The following DOC2B variants were observed in gnomAD, a reference collection of about 807,000 sequenced individuals.
DOC2B encodes double C2-like domain-containing protein beta.
A neutral mutation model predicts 28.9 loss-of-function variants in DOC2B; 21 were observed. That is an observed-to-expected ratio of 0.73 (90% CI 0.52 to 1.05). The LOEUF (loss-of-function observed/expected upper bound fraction) is 1.05. Among genes scored for constraint, DOC2B ranks in the 50% least tolerant of loss-of-function variants. DOC2B has a pLI of 0.00. For synonymous variants in DOC2B, 194 were observed against 178.1 expected, an observed-to-expected ratio of 1.09 and a Z score of -0.71; for missense variants, 384 against 421.1, an observed-to-expected ratio of 0.91 and a Z score of 0.77.
At chr17:174,965 T>G (rs2040352879) in intron 1 of DOC2B, among the ~76,000 whole-genome samples, 1 of 151,624 alleles carries the variant, frequency 6.6e-6, no homozygotes, top group Non-Finnish European at 1.5e-5. Flanking sequence ...AATGGCCGGG[T>G]GTGGTGGCTC....
rs958747226 is a variant in DOC2B at position 179,813 on chromosome 17, G to T, written c.373+1294C>A. On this transcript the variant is annotated intron_variant, in intron 1 of 8. Transcript: ENST00000613549. ...CAGGGCCTTCATGTGCCAGGCGCTG[G>T]CCCGAGGGCCGTGGTCCAGGCCTCT... Among the ~76,000 whole-genome samples, 4 of 152,386 alleles carry T rather than the reference G, an allele frequency of 2.6e-5. No homozygotes were observed. The East Asian group carries it at 7.7e-4, about 29-fold the overall frequency.
chr17:153,724 T>A (rs1198385837), intron 6 of DOC2B, among the ~76,000 whole-genome samples: 1 of 151,998 alleles, frequency 6.6e-6, no homozygotes, highest in Non-Finnish European at 1.5e-5. Context: ...TCACACCATT[T>A]TGGCTTCAGA....
intron 5 of DOC2B, among the ~76,000 whole-genome samples, chr17:158,785 C>T (rs1382933291): frequency 6.6e-6 from 1 of 152,184 alleles, no homozygotes; most frequent in East Asian, 1.9e-4. Context: ...TGACTCATGC[C>T]TGTAACCCCA....
chr17:178,464 G>A (rs933514973), intron 1 of DOC2B, among the ~76,000 whole-genome samples: 4 of 152,206 alleles, frequency 2.6e-5, no homozygotes, highest in Admixed American at 6.5e-5. Context: ...GGTGGGTGCC[G>A]GGCAGGAGAG....
Position 161,439 on chromosome 17 carries a change from G to A in DOC2B, c.741C>T (p.Ser247=). ...KLKPNHTKTF[S]ICLEKQLPVD... is the part of the protein sequence containing the mutation. The stretch of plus-strand genomic sequence containing the variant: ...CCGGCAGCTGCTTCTCCAGGCAGAT[G>A]CTGAAGGTCTTGGTGTGGTTGGGTT... Residue 247 remains serine (S), a synonymous_variant, in exon 5 of 9, where the codon AGC becomes AGT. Coordinates refer to ENST00000613549, the MANE Select transcript of DOC2B (RefSeq NM_003585.5). 6.4e-7 allele frequency: 1 copy of A among 1,551,692 alleles called. No homozygotes were observed. The highest frequency in any genetic ancestry group is 8.7e-7 in the Non-Finnish European group (1 of 1,146,984).
At chr17:169,565 A>G (rs1175702430) in intron 2 of DOC2B, among the ~76,000 whole-genome samples, 1 of 152,122 alleles carries the variant, frequency 6.6e-6, no homozygotes, top group Non-Finnish European at 1.5e-5. Context: ...AATAAAAATA[A>G]AAAGTCTCCC....
Position 159,234 on chromosome 17 carries a change from T to C in DOC2B, c.765+2181A>G, listed in dbSNP as rs1203412518. 2.6e-5 allele frequency among the ~76,000 whole-genome samples: 4 copies of C among 152,054 alleles called. No individual in the cohort carries two copies. In the East Asian group the frequency reaches 7.7e-4, roughly 29 times the overall value. ...GGCCTGGCACAGGGGCTCATGCCTG[T>C]AATCCCAGCACTTTGGGAGGCCGAG... On this transcript the variant is annotated intron_variant, in intron 5 of 8. Transcript: ENST00000613549.
intron 2 of DOC2B, among the ~76,000 whole-genome samples, chr17:169,964 A>G (rs753166420): frequency 2.0e-5 from 3 of 152,132 alleles, no homozygotes; most frequent in Non-Finnish European, 4.4e-5. Flanking sequence ...ACATGTACAC[A>G]CAGAGACACA....
chr17:159,733 C>T (rs1471730426), intron 5 of DOC2B, among the ~76,000 whole-genome samples: 4 of 152,068 alleles, frequency 2.6e-5, no homozygotes, highest in Non-Finnish European at 4.4e-5. Flanking sequence ...ACCAATGGGC[C>T]GGTAGCGCAT....
chr17:172,455 G>T (rs1333166895), intron 2 of DOC2B, 82 bp downstream of exon 2: 4 of 1,122,020 alleles, frequency 3.6e-6, no homozygotes, highest in South Asian at 1.5e-5. Context: ...AACCTGGGGA[G>T]TGGTGTGGTC....
In DOC2B at chr17:181,192, G is replaced by A. The variant is rs2040438450; in HGVS notation, c.288C>T (p.Pro96=). 2.4e-6 allele frequency: 3 copies of A among 1,240,878 alleles called. No homozygotes were observed. The highest frequency in any genetic ancestry group is 3.0e-6 in the Non-Finnish European group (3 of 992,822). 76.9% of individuals were successfully genotyped at this position (1,240,878 alleles called of 1,614,324 possible). The part of the protein sequence containing the change: ...LFGAYGSSPG[P]SPGPSPARPP... ...GCCGCGCGGGGCTGGGACCCGGGCT[G>A]GGGCCCGGGCTGGAGCCGTAGGCTC... Residue 96 remains proline, a synonymous_variant, in exon 1 of 9, where the codon CCC becomes CCT. Transcript: ENST00000613549. The surrounding 1 kb of genome is among the most constrained non-coding windows in gnomAD (Gnocchi z 7.0).
rs1555522538 is a variant in DOC2B, at chr17:156,358, T to G, written c.785A>C (p.Lys262Thr). The change falls in exon 6 of 9, where the codon AAG (lysine) becomes ACG (threonine). Residue 262 changes from lysine (K) to threonine (T), a missense_variant. Coordinates refer to ENST00000613549, the MANE Select transcript of DOC2B (RefSeq NM_003585.5). Reference sequence around the variant, plus strand: ...GATGCGGCCCCGCTCCTCCAGGGACTTGTCTTCAGTCTTGTCCACCTGTTG... The same window carrying G: ...GATGCGGCCCCGCTCCTCCAGGGACGTGTCTTCAGTCTTGTCCACCTGTTG... ...KQLPVDKTED[K>T]SLEERGRILI... The G allele has an allele frequency of 1.3e-6, 2 of 1,551,426 alleles. No individual in the cohort carries two copies. The highest frequency in any genetic ancestry group is 1.7e-4 in the Middle Eastern group (1 of 5,990).
At position 181,399 on chromosome 17, in the gene DOC2B, G is replaced by A. The variant is rs1283596524; in HGVS notation, c.81C>T (p.Ile27=). 3 of 1,171,386 alleles carry A rather than the reference G, an allele frequency of 2.6e-6. No homozygotes were observed. The highest frequency in any genetic ancestry group is 3.2e-6 in the Non-Finnish European group (3 of 942,308). 72.6% of individuals were successfully genotyped at this position (1,171,386 alleles called of 1,614,324 possible). Reference sequence around the variant, plus strand: ...AGTCGGAGATCTGCTTGATGGGACGGATGGGGCCGGGGCACACGTCGATGG... The same window carrying A: ...AGTCGGAGATCTGCTTGATGGGACGAATGGGGCCGGGGCACACGTCGATGG... ...HMAIDVCPGP[I]RPIKQISDYF... The change falls in exon 1 of 9, where the codon ATC becomes ATT. Residue 27 remains isoleucine (I), a synonymous_variant. Transcript: ENST00000613549. The surrounding 1 kb of genome is among the most constrained non-coding windows in gnomAD (Gnocchi z 7.0).
chr17:174,941 A>T (rs867051473), intron 1 of DOC2B, among the ~76,000 whole-genome samples: 9 of 152,348 alleles, frequency 5.9e-5, no homozygotes, highest in African/African-American at 1.9e-4. Context: ...CAACATGGCA[A>T]CAAAAACTAC....
intron 1 of DOC2B, among the ~76,000 whole-genome samples, chr17:173,323 G>T (rs1011736806): frequency 6.6e-6 from 1 of 152,162 alleles, no homozygotes; most frequent in Non-Finnish European, 1.5e-5. Context: ...ATGCAGAAGC[G>T]GCTCCCAGCA....
At chr17:151,216 G>A (rs182126826) in intron 6 of DOC2B, among the ~76,000 whole-genome samples, 2 of 152,216 alleles carry the variant, frequency 1.3e-5, no homozygotes, top group Admixed American at 6.5e-5. Flanking sequence ...GCTGCAATGA[G>A]CTATGATTGC....
intron 1 of DOC2B, among the ~76,000 whole-genome samples, chr17:173,988 A>T (rs1360309148): frequency 6.6e-6 from 1 of 152,082 alleles, no homozygotes; most frequent in East Asian, 1.9e-4. Context: ...AGCTGAAAAT[A>T]TTTACTATCC....
chr17:164,543 C>T (rs1444968211), intron 2 of DOC2B, among the ~76,000 whole-genome samples: 3 of 152,152 alleles, frequency 2.0e-5, no homozygotes, highest in African/African-American at 2.4e-5. Flanking sequence ...TCCTGACTCC[C>T]GTCTCCCATC....
intron 5 of DOC2B, among the ~76,000 whole-genome samples, chr17:159,693 T>C (rs2040177067): frequency 6.6e-6 from 1 of 152,032 alleles, no homozygotes; most frequent in African/African-American, 2.4e-5. Context: ...CCAGCTGCAC[T>C]CCTGCGGTCA....
Sources: allele counts gnomAD v4.1 joint callset (sites outside exome capture counted in the v4.1 genomes callset), GRCh38; gene constraint gnomAD v4.1.1; non-coding constraint Gnocchi (gnomAD v3.1); transcripts MANE v1.5; gene names NCBI Gene and HGNC (gene_info 2026-07-23, HGNC 2026-07-21).